Variants in SHANK2 observed in about 807,000 individuals in gnomAD.
SHANK2 encodes the protein SH3 and multiple ankyrin repeat domains protein 2.
A neutral mutation model predicts 133.7 loss-of-function variants in SHANK2; 43 were observed. The observed-to-expected ratio is 0.32, with a 90% CI of 0.25 to 0.41. The LOEUF is 0.41. Ranked by LOEUF, SHANK2 falls within the 10% of genes least tolerant of loss-of-function variation. The pLI, the probability that SHANK2 is intolerant of heterozygous loss-of-function variation, is 1.00. For missense variants in SHANK2, 1,994 were observed against 2,235.8 expected, an observed-to-expected ratio of 0.89 and a Z score of 2.18; for synonymous variants, 1,017 against 952.8, an observed-to-expected ratio of 1.07 and a Z score of -1.24.
At chr11:70,668,610 T>C (rs904527720) in intron 15 of SHANK2, 2 of 152,454 alleles carry the variant, frequency 1.3e-5, no homozygotes, top group South Asian at 4.1e-4. Context: ...GTGAGGAAGA[T>C]AAACATCAAT....
chr11:71,199,727 C>G (rs1305681239), intron 2 of SHANK2, among the ~76,000 whole-genome samples: 1 of 152,154 alleles, frequency 6.6e-6, no homozygotes, highest in African/African-American at 2.4e-5. Flanking sequence ...GCTGGCCGCA[C>G]GGACACCGCA....
At chr11:70,643,591 G>T (rs1421274590) in intron 17 of SHANK2, among the ~76,000 whole-genome samples, 2 of 149,098 alleles carry the variant, frequency 1.3e-5, no homozygotes, top group African/African-American at 2.5e-5. Context: ...AAAAAAAGCA[G>T]AAATATTATT....
intron 10 of SHANK2, chr11:70,950,004 G>T (rs1950809477): frequency 2.2e-6 from 1 of 455,422 alleles, no homozygotes; most frequent in Non-Finnish European, 4.4e-6. Context: ...GCTCCCTGCT[G>T]CACAGGTGGT....
At chr11:70,520,255 C>T (rs1388439150) in intron 17 of SHANK2, among the ~76,000 whole-genome samples, 1 of 152,134 alleles carries the variant, frequency 6.6e-6, no homozygotes. Context: ...TCGGATTTCT[C>T]TAATTTTTAC....
intron 17 of SHANK2, among the ~76,000 whole-genome samples, chr11:70,636,738 ATGTGTGAGCATG>A (rs11272304): frequency 0.39 from 29,615 of 76,392 alleles, 3,219 homozygotes; most frequent in Middle Eastern, 0.49. Context: ...ATGTGTGAAT[ATGTGTGAGCATG>A]TGTGTGAGCA....
At chr11:71,194,293 T>C (rs1953854138) in intron 2 of SHANK2, among the ~76,000 whole-genome samples, 1 of 152,122 alleles carries the variant, frequency 6.6e-6, no homozygotes, top group African/African-American at 2.4e-5. Flanking sequence ...GGGTGCCCGA[T>C]GGAGTTGATG....
chr11:70,595,170 C>T (rs868969199), intron 17 of SHANK2, among the ~76,000 whole-genome samples: 40 of 152,278 alleles, frequency 2.6e-4, no homozygotes, highest in African/African-American at 3.4e-4. Flanking sequence ...CCAGGCTGGC[C>T]CCTCACATCG....
At chr11:70,556,613 A>C (rs1393163608) in intron 17 of SHANK2, among the ~76,000 whole-genome samples, 1 of 141,350 alleles carries the variant, frequency 7.1e-6, no homozygotes, top group Non-Finnish European at 1.5e-5. Context: ...TTTTCTTGAG[A>C]CAGGGTCTCA....
chr11:71,071,822 G>C (rs1014968788), intron 9 of SHANK2, among the ~76,000 whole-genome samples: 2 of 151,976 alleles, frequency 1.3e-5, no homozygotes, highest in African/African-American at 4.8e-5. Flanking sequence ...AGGCCACCAT[G>C]AGCCAACAGG....
chr11:70,854,584 A>G (rs1211891936), intron 11 of SHANK2, among the ~76,000 whole-genome samples: 2 of 152,248 alleles, frequency 1.3e-5, no homozygotes, highest in African/African-American at 4.8e-5. Context: ...CGTGCTTTCC[A>G]TCCAGGCACA....
intron 17 of SHANK2, among the ~76,000 whole-genome samples, chr11:70,544,708 G>A (rs1434045566): frequency 6.6e-6 from 1 of 152,224 alleles, no homozygotes; most frequent in African/African-American, 2.4e-5. Flanking sequence ...TCCGGTAGGC[G>A]ACAAAAGGGG....
intron 15 of SHANK2, among the ~76,000 whole-genome samples, chr11:70,662,457 C>A (rs912810080): frequency 6.6e-6 from 1 of 152,152 alleles, no homozygotes; most frequent in South Asian, 2.1e-4. Context: ...CTGCATCCCC[C>A]CCTCCAGCGT....
chr11:70,596,593 G>A (rs1591627855), intron 17 of SHANK2, among the ~76,000 whole-genome samples: 2 of 152,244 alleles, frequency 1.3e-5, no homozygotes, highest in South Asian at 4.1e-4. Flanking sequence ...TGATGCGGGG[G>A]GGCGGCAGGC....
intron 14 of SHANK2, among the ~76,000 whole-genome samples, chr11:70,733,129 C>T (rs555031415): frequency 2.0e-5 from 3 of 152,198 alleles, no homozygotes; most frequent in East Asian, 3.9e-4. Context: ...CACATGCTAC[C>T]GGAGCCACTG....
At chr11:70,793,838 T>C (rs1555048535) in intron 14 of SHANK2, among the ~76,000 whole-genome samples, 1 of 152,230 alleles carries the variant, frequency 6.6e-6, no homozygotes, top group East Asian at 1.9e-4. Context: ...AATAAAAATG[T>C]ATGTCCTTAA....
intron 11 of SHANK2, chr11:70,864,403 C>G (rs1949317255): frequency 6.5e-6 from 1 of 153,382 alleles, no homozygotes; most frequent in African/African-American, 2.4e-5. Context: ...AGATGAGTCC[C>G]AGGGCCGCGG....
intron 5 of SHANK2, among the ~76,000 whole-genome samples, chr11:71,110,318 G>A (rs565088513): frequency 6.6e-6 from 1 of 152,280 alleles, no homozygotes; most frequent in Non-Finnish European, 1.5e-5. Flanking sequence ...GGCACCTGTA[G>A]TCCCAGCTAC....
Position 70,902,838 on chromosome 11 carries a change from C to A in SHANK2, c.1108-6271G>T, listed in dbSNP as rs75745862. ...AGCAGATGGACACCCCGCCAGGGGC[C>A]CTGGGGGCTCTGCCCTTGGCACTCA... On this transcript the variant is annotated intron_variant, in intron 10 of 25. Coordinates refer to ENST00000601538, the MANE Select transcript of SHANK2 (RefSeq NM_012309.5). 9.2e-3 allele frequency among the ~76,000 whole-genome samples: 1,394 copies of A among 152,274 alleles called. 17 individuals carry two copies. Among genetic ancestry groups the A allele is most frequent in the African/African-American group, 0.031 (1,295 of 41,542 alleles).
At chr11:70,823,971 CCCAAGG>C (rs1555056689) in intron 11 of SHANK2, among the ~76,000 whole-genome samples, 15 of 139,260 alleles carry the variant, frequency 1.1e-4, no homozygotes, top group Non-Finnish European at 2.0e-4. Context: ...ATTGACAGCT[CCCAAGG>C]ACAGAGGTGG....
Sources: gnomAD v4.1 joint callset for allele counts (sites outside exome capture counted in the v4.1 genomes callset) on GRCh38, gnomAD v4.1.1 for gene constraint, MANE v1.5 for transcripts, NCBI Gene and HGNC (gene_info 2026-07-23, HGNC 2026-07-21) for gene names.